The following TNRC6B variants were observed in gnomAD, a reference collection of about 807,000 sequenced individuals.
TNRC6B encodes trinucleotide repeat containing adaptor 6B.
TNRC6B carries 52 observed loss-of-function variants against 203.6 expected under a neutral mutation model. The ratio of observed to expected loss-of-function variants is 0.26; its 90% CI spans 0.20 to 0.32. The LOEUF is 0.32. Ranked by LOEUF, TNRC6B falls within the 10% of genes least tolerant of loss-of-function variation. The pLI, the probability that TNRC6B is intolerant of heterozygous loss-of-function variation, is 1.00. For synonymous variants in TNRC6B, 838 were observed against 845.7 expected (o/e 0.99, Z 0.16); for missense variants, 1,923 against 2,286.2 (o/e 0.84, Z 3.24).
chr22:40,087,623 A>G (rs1024354144), intron 1 of TNRC6B, among the ~76,000 whole-genome samples: 1 of 152,166 alleles, frequency 6.6e-6, no homozygotes, highest in Non-Finnish European at 1.5e-5. Context: ...CTTTCTGACA[A>G]AGTAACATTT....
At position 40,261,911 on chromosome 22, in the gene TNRC6B, T is replaced by C; in HGVS notation, c.195T>C (p.Asn65=). 6.2e-7 allele frequency: 1 copy of C among 1,609,084 alleles called. No homozygotes were observed. Among genetic ancestry groups the C allele is most frequent in the Non-Finnish European group, 8.5e-7 (1 of 1,176,236 alleles). Residue 65 remains asparagine, a synonymous_variant, in exon 4 of 23, where the codon AAT becomes AAC. Transcript: ENST00000454349. The part of the protein sequence containing the change: ...PIGSSPSPPV[N]GGNNAKRVAV... The stretch of plus-strand genomic sequence containing the variant: ...GCAGCTCTCCATCGCCACCAGTCAA[T>C]GGTGGCAACAATGCCAAAAGGGTGG...
chr22:40,071,561 A>G (rs2067948331), intron 1 of TNRC6B, among the ~76,000 whole-genome samples: 1 of 152,246 alleles, frequency 6.6e-6, no homozygotes, highest in Non-Finnish European at 1.5e-5. Flanking sequence ...TGAAACTCCA[A>G]ATGGTACAGA....
intron 12 of TNRC6B, among the ~76,000 whole-genome samples, chr22:40,291,461 C>T (rs939998532): frequency 2.0e-5 from 3 of 152,122 alleles, no homozygotes; most frequent in Non-Finnish European, 4.4e-5. Flanking sequence ...AAACCTCCAA[C>T]CCAAATACAA....
intron 1 of TNRC6B, chr22:40,106,373 TC>T: frequency 8.2e-7 from 1 of 1,215,622 alleles, no homozygotes; most frequent in Non-Finnish European, 1.2e-6. Context: ...TGCCAGCATC[TC>T]CACCTTCTAC....
chr22:40,218,709 G>A (rs1225570641), intron 1 of TNRC6B, among the ~76,000 whole-genome samples: 1 of 152,158 alleles, frequency 6.6e-6, no homozygotes, highest in Non-Finnish European at 1.5e-5. Flanking sequence ...ATTTATTTAA[G>A]TGCCTTTCTT....
chr22:40,274,503 C>T (rs2070611015), intron 7 of TNRC6B, among the ~76,000 whole-genome samples: 1 of 151,618 alleles, frequency 6.6e-6, no homozygotes. Flanking sequence ...TCACTGCAAG[C>T]TCTGCCTCCC....
At chr22:40,129,718 T>C (rs2068524645) in intron 3 of TNRC6B, among the ~76,000 whole-genome samples, 1 of 152,150 alleles carries the variant, frequency 6.6e-6, no homozygotes, top group South Asian at 2.1e-4. Flanking sequence ...AGGGGTGCAA[T>C]TGTTTATAAT....
chr22:40,197,219 T>C (rs2069348882), intron 1 of TNRC6B, among the ~76,000 whole-genome samples: 1 of 152,102 alleles, frequency 6.6e-6, no homozygotes, highest in African/African-American at 2.4e-5. Flanking sequence ...AATGAGACTG[T>C]GCTGATCGTG....
chr22:40,045,028 T>G (rs2067673435), intron 1 of TNRC6B: 1 of 147,534 alleles, frequency 6.8e-6, no homozygotes, highest in Non-Finnish European at 1.5e-5. Context: ...CGCGCCGTCC[T>G]TCCCCTCCCC....
At chr22:40,075,156 A>ATATATATATATAT in intron 1 of TNRC6B, among the ~76,000 whole-genome samples, 1 of 35,566 alleles carries the variant, frequency 2.8e-5, no homozygotes, top group Non-Finnish European at 5.2e-5. Context: ...ATATATATAT[A>ATATATATATATAT]TTTTTTTTTT....
chr22:40,312,222 G>T (rs1338574979), intron 17 of TNRC6B, among the ~76,000 whole-genome samples: 1 of 152,196 alleles, frequency 6.6e-6, no homozygotes, highest in Non-Finnish European at 1.5e-5. Flanking sequence ...CCTGCCTTCA[G>T]CCCTGAAGTC....
chr22:40,082,232 A>G (rs529545697), intron 1 of TNRC6B, among the ~76,000 whole-genome samples: 3 of 152,338 alleles, frequency 2.0e-5, no homozygotes, highest in Non-Finnish European at 4.4e-5. Context: ...CTATGAAGAA[A>G]ATGAATAAAA....
Position 40,332,813 on chromosome 22 carries a change from A to C in TNRC6B, c.*9572A>C, listed in dbSNP as rs1442472320. 6.6e-6 allele frequency: 1 copy of C among 152,604 alleles called. No homozygotes were observed. Among genetic ancestry groups the C allele is most frequent in the African/African-American group, 2.4e-5 (1 of 41,430 alleles). The allele number at this position is 152,604 out of a possible 1,614,324, so 9.5% of individuals were successfully genotyped here. Reference sequence around the variant, plus strand: ...GGATTATCCTTTTTAAAATATGAACATGTAAATAGCAGGATAACTTTAAAA... The same window carrying C: ...GGATTATCCTTTTTAAAATATGAACCTGTAAATAGCAGGATAACTTTAAAA... On this transcript the variant is annotated 3_prime_UTR_variant, in exon 23 of 23. Coordinates refer to ENST00000454349, the MANE Select transcript of TNRC6B (RefSeq NM_001162501.2).
intron 3 of TNRC6B, among the ~76,000 whole-genome samples, chr22:40,258,837 C>T (rs954572998): frequency 6.6e-6 from 1 of 152,198 alleles, no homozygotes; most frequent in African/African-American, 2.4e-5. Flanking sequence ...TGAAACAGTG[C>T]TGTGAATGTT....
chr22:40,241,824 T>C (rs559628176), intron 1 of TNRC6B, among the ~76,000 whole-genome samples: 1 of 152,352 alleles, frequency 6.6e-6, no homozygotes, highest in South Asian at 2.1e-4. Flanking sequence ...TTTCTCTCTG[T>C]ATGAACTTGT....
intron 1 of TNRC6B, among the ~76,000 whole-genome samples, chr22:40,232,767 C>G (rs1225724353): frequency 6.6e-6 from 1 of 152,192 alleles, no homozygotes; most frequent in East Asian, 1.9e-4. Flanking sequence ...AATCCCAGCA[C>G]TCTAGGAGGC....
chr22:40,059,352 G>T (rs987090474), intron 1 of TNRC6B, among the ~76,000 whole-genome samples: 17 of 152,150 alleles, frequency 1.1e-4, no homozygotes, highest in African/African-American at 3.9e-4. Context: ...GCATTCATTA[G>T]TTCTAATGGC....
intron 1 of TNRC6B, among the ~76,000 whole-genome samples, chr22:40,205,695 A>T (rs894860875): frequency 6.6e-6 from 1 of 152,214 alleles, no homozygotes; most frequent in African/African-American, 2.4e-5. Context: ...GTATTATCTA[A>T]TTACTTTAAA....
At chr22:40,261,515 T>G (rs2070381505) in intron 3 of TNRC6B, among the ~76,000 whole-genome samples, 1 of 151,306 alleles carries the variant, frequency 6.6e-6, no homozygotes, top group Non-Finnish European at 1.5e-5. Context: ...GAGGCGGAGG[T>G]TGCAGTGAGC....
Sources: allele counts gnomAD v4.1 joint callset (sites outside exome capture counted in the v4.1 genomes callset), GRCh38; gene constraint gnomAD v4.1.1; transcripts MANE v1.5; gene names NCBI Gene and HGNC (gene_info 2026-07-23, HGNC 2026-07-21).